Variants in CPNE4 observed in about 807,000 individuals in gnomAD.
The protein encoded by CPNE4 is copine 4, also known as copine-4.
Under a neutral mutation model 67.9 loss-of-function variants are expected in CPNE4, and 25 were observed. The ratio of observed to expected loss-of-function variants is 0.37; its 90% CI spans 0.27 to 0.51. The LOEUF (loss-of-function observed/expected upper bound fraction) is 0.51. CPNE4 is among the 20% of genes least tolerant of loss of function. CPNE4 has a pLI of 0.93. For missense variants in CPNE4, 464 were observed against 690.8 expected (o/e 0.67, Z 3.68); for synonymous variants, 242 against 244.9 (o/e 0.99, Z 0.11).
chr3:131,571,932 T>C (rs1332024818), intron 10 of CPNE4, among the ~76,000 whole-genome samples: 1 of 151,564 alleles, frequency 6.6e-6, no homozygotes, highest in African/African-American at 2.4e-5. Context: ...AATTAGAATA[T>C]AGTGGTACAT....
At chr3:131,881,996 T>G (rs2087689092) in intron 2 of CPNE4, among the ~76,000 whole-genome samples, 1 of 152,204 alleles carries the variant, frequency 6.6e-6, no homozygotes, top group African/African-American at 2.4e-5. Context: ...CTTCTCAAGT[T>G]CTTCTTGTGT....
chr3:131,992,680 A>C (rs999063263), intron 1 of CPNE4, among the ~76,000 whole-genome samples: 6 of 135,906 alleles, frequency 4.4e-5, no homozygotes, highest in African/African-American at 1.5e-4. Context: ...CAGAGGCAGA[A>C]TGATATGGTT....
chr3:131,829,094 G>A (rs1232346542), intron 2 of CPNE4, among the ~76,000 whole-genome samples: 3 of 152,166 alleles, frequency 2.0e-5, no homozygotes, highest in Admixed American at 6.5e-5. Context: ...GAGAGCTTGT[G>A]CAGGGAAACT....
At chr3:131,921,869 T>C (rs560127605) in intron 1 of CPNE4, among the ~76,000 whole-genome samples, 2 of 152,270 alleles carry the variant, frequency 1.3e-5, no homozygotes, top group Admixed American at 1.3e-4. Flanking sequence ...CATGCTTTGG[T>C]CCAAACTAGA....
At chr3:131,691,299 AG>A (rs1371602188) in intron 5 of CPNE4, among the ~76,000 whole-genome samples, 1 of 152,208 alleles carries the variant, frequency 6.6e-6, no homozygotes. Flanking sequence ...GCATATAATC[AG>A]TCTAGGTGCC....
intron 1 of CPNE4, among the ~76,000 whole-genome samples, chr3:131,953,040 GCAGCATGCTCGTT>G (rs2071816432): frequency 6.6e-6 from 1 of 151,782 alleles, no homozygotes; most frequent in Non-Finnish European, 1.5e-5. Context: ...ATGCTTGAAG[GCAGCATGCTCGTT>G]AAGAGTCATC....
intron 6 of CPNE4, among the ~76,000 whole-genome samples, chr3:131,679,964 C>G (rs1439595326): frequency 6.6e-6 from 1 of 152,104 alleles, no homozygotes. Flanking sequence ...GTGCTGAGTT[C>G]AGGTCCTGAA....
intron 2 of CPNE4, among the ~76,000 whole-genome samples, chr3:131,849,088 G>A (rs968433954): frequency 6.6e-6 from 1 of 151,290 alleles, no homozygotes; most frequent in African/African-American, 2.4e-5. Context: ...CCTAATGGTC[G>A]ATTTCATCAT....
At chr3:131,622,112 A>G (rs1266093955) in intron 7 of CPNE4, among the ~76,000 whole-genome samples, 1 of 152,018 alleles carries the variant, frequency 6.6e-6, no homozygotes, top group East Asian at 1.9e-4. Flanking sequence ...GTAATCAATC[A>G]GCTTCTTAAG....
chr3:131,625,156 T>C (rs2107766495), intron 7 of CPNE4, among the ~76,000 whole-genome samples: 1 of 152,248 alleles, frequency 6.6e-6, no homozygotes, highest in Middle Eastern at 3.4e-3. Flanking sequence ...TTTTCTTATC[T>C]AAACAAAAGT....
intron 9 of CPNE4, among the ~76,000 whole-genome samples, chr3:131,578,169 A>G (rs770497536): frequency 2.0e-5 from 3 of 152,162 alleles, no homozygotes; most frequent in Non-Finnish European, 4.4e-5. Flanking sequence ...CCATTTTCCC[A>G]ACAGTATGTG....
rs142128837 is a variant in CPNE4 at position 131,597,898 on chromosome 3, A to G, written c.682-10316T>C. Among the ~76,000 whole-genome samples the G allele has an allele frequency of 6.1e-3, 929 of 152,352 alleles. 7 individuals carry two copies. The highest frequency in any genetic ancestry group is 0.017 in the African/African-American group (727 of 41,580). On this transcript the variant is annotated intron_variant, in intron 7 of 15. Coordinates refer to ENST00000429747, the MANE Select transcript of CPNE4 (RefSeq NM_130808.3). ...GGTAGCACAGTTTTGGGGCACAAGTAAGAACTCAGATAAATGTTTGATGAG... is the reference window on the plus strand; with the variant it reads ...GGTAGCACAGTTTTGGGGCACAAGTGAGAACTCAGATAAATGTTTGATGAG...
intron 2 of CPNE4, among the ~76,000 whole-genome samples, chr3:131,743,835 C>A (rs1320680703): frequency 2.0e-5 from 3 of 150,968 alleles, no homozygotes; most frequent in Admixed American, 6.6e-5. Flanking sequence ...TGGTAGCGGG[C>A]GCCTGTAGTC....
intron 2 of CPNE4, among the ~76,000 whole-genome samples, chr3:131,885,648 G>A (rs574257039): frequency 1.4e-4 from 21 of 151,720 alleles, no homozygotes; most frequent in Non-Finnish European, 2.4e-4. Flanking sequence ...CCACTAACTC[G>A]TCATCTAGCA....
intron 1 of CPNE4, among the ~76,000 whole-genome samples, chr3:131,976,649 G>A (rs1009851543): frequency 6.6e-6 from 1 of 152,092 alleles, no homozygotes; most frequent in South Asian, 2.1e-4. Flanking sequence ...TTACTTCTGA[G>A]TTAAAGCCAA....
intron 2 of CPNE4, among the ~76,000 whole-genome samples, chr3:131,740,579 C>G (rs1441033688): frequency 1.3e-5 from 2 of 152,136 alleles, no homozygotes; most frequent in Admixed American, 6.5e-5. Context: ...CGGCTTCTCA[C>G]CTTCCCCACT....
At chr3:131,581,766 G>GACAA (rs1937851668) in intron 8 of CPNE4, 101 bp from the exon 9 acceptor site, 1 of 801,540 alleles carries the variant, frequency 1.2e-6, no homozygotes, top group African/African-American at 1.7e-5. Context: ...TGAACTGGAG[G>GACAA]GCTGACAAAT....
At chr3:131,968,548 T>C (rs1279583839) in intron 1 of CPNE4, among the ~76,000 whole-genome samples, 3 of 152,168 alleles carry the variant, frequency 2.0e-5, no homozygotes, top group Non-Finnish European at 4.4e-5. Flanking sequence ...GCAAAGGATA[T>C]GAACAGACAC....
intron 6 of CPNE4, among the ~76,000 whole-genome samples, chr3:131,678,518 T>G (rs2080645704): frequency 6.6e-6 from 1 of 152,152 alleles, no homozygotes; most frequent in African/African-American, 2.4e-5. Context: ...TGTGGCAGTT[T>G]TCAAGGGGAA....
Sources: allele counts gnomAD v4.1 joint callset (sites outside exome capture counted in the v4.1 genomes callset), GRCh38; gene constraint gnomAD v4.1.1; transcripts MANE v1.5; gene names NCBI Gene and HGNC (gene_info 2026-07-23, HGNC 2026-07-21).